BIRC6: variants seen among roughly 807,000 people sequenced by gnomAD.
BIRC6 encodes the protein baculoviral IAP repeat containing 6.
In BIRC6, 98 loss-of-function variants were observed where a neutral mutation model predicts 503.3. The ratio of observed to expected loss-of-function variants is 0.19; its 90% CI spans 0.17 to 0.23. The LOEUF (loss-of-function observed/expected upper bound fraction) is 0.23, where lower values mean the gene tolerates loss of function less well. Among genes scored for constraint, BIRC6 ranks in the 10% least tolerant of loss-of-function variants. The pLI is 1.00. For missense variants in BIRC6, 5,360 were observed against 5,806.0 expected (o/e 0.92, Z 2.50); for synonymous variants, 2,240 against 2,078.7 (o/e 1.08, Z -2.11).
intron 49 of BIRC6, 51 bp from the exon 50 acceptor site, chr2:32,504,953 TA>T: frequency 6.9e-7 from 1 of 1,455,096 alleles, no homozygotes; most frequent in South Asian, 1.2e-5. Context: ...TTTAAAGCTT[TA>T]TTATGTTTCT....
intron 57 of BIRC6, chr2:32,519,282 T>C (rs1259643778): frequency 1.4e-5 from 3 of 214,518 alleles, no homozygotes; most frequent in Non-Finnish European, 2.9e-5. Context: ...AGCAAGATTC[T>C]AATTAATACA....
At chr2:32,420,381 A>AT (rs1330032294) in intron 10 of BIRC6, among the ~76,000 whole-genome samples, 1 of 152,120 alleles carries the variant, frequency 6.6e-6, no homozygotes, top group Non-Finnish European at 1.5e-5. Context: ...TACACATTCA[A>AT]TTATGTTTAT....
chr2:32,415,700 A>C lies in BIRC6; in HGVS notation c.2409A>C (p.Ser803=), dbSNP rs1185166831. 6.2e-7 allele frequency: 1 copy of C among 1,613,816 alleles called. No homozygotes were observed. The highest frequency in any genetic ancestry group is 2.2e-5 in the East Asian group (1 of 44,894). ...GANISVIQHE[S]PADVQTPLII... is the part of the protein sequence containing the mutation. ...ATATTAGTGTAATCCAACATGAATCACCAGCAGATGTACAGACTCCTTTAA... is the reference window on the plus strand; with the variant it reads ...ATATTAGTGTAATCCAACATGAATCCCCAGCAGATGTACAGACTCCTTTAA... Residue 803 remains serine (S), a synonymous_variant, in exon 10 of 74, where the codon TCA becomes TCC. Coordinates refer to ENST00000421745, the MANE Select transcript of BIRC6 (RefSeq NM_016252.4).
intron 54 of BIRC6, 45 bp from the exon 55 acceptor site, chr2:32,514,945 T>G (rs1261758951): frequency 6.9e-7 from 1 of 1,443,324 alleles, no homozygotes; most frequent in African/African-American, 1.4e-5. Context: ...TAGTTTCTTC[T>G]AAAAATATAC....
chr2:32,448,670 G>T, intron 21 of BIRC6, 125 bp from the exon 22 acceptor site: 1 of 697,336 alleles, frequency 1.4e-6, no homozygotes, highest in Non-Finnish European at 2.3e-6. Context: ...GGAGAGGGGA[G>T]AGGGGAGAGG....
chr2:32,474,496 C>T (rs1426717929), intron 33 of BIRC6, among the ~76,000 whole-genome samples: 1 of 152,102 alleles, frequency 6.6e-6, no homozygotes, highest in Non-Finnish European at 1.5e-5. Context: ...GTTGGCAAAA[C>T]TTAAAAGGTG....
At chr2:32,601,697 G>T (rs1285309566) in intron 70 of BIRC6, among the ~76,000 whole-genome samples, 3 of 152,184 alleles carry the variant, frequency 2.0e-5, no homozygotes, top group Non-Finnish European at 4.4e-5. Context: ...ATATATGCCA[G>T]AAGAACACAT....
intron 61 of BIRC6, among the ~76,000 whole-genome samples, chr2:32,542,998 C>T (rs2150269128): frequency 6.6e-6 from 1 of 151,812 alleles, no homozygotes; most frequent in South Asian, 2.1e-4. Context: ...CGGTGTTTCA[C>T]CGTGTTGGCC....
At chr2:32,551,440 G>A (rs2058415753) in intron 65 of BIRC6, among the ~76,000 whole-genome samples, 1 of 151,968 alleles carries the variant, frequency 6.6e-6, no homozygotes, top group Admixed American at 6.6e-5. Context: ...ACAGCAGCAT[G>A]CCCGGCTAAT....
At position 32,598,979 on chromosome 2, in the gene BIRC6, G is replaced by A. The variant is rs191023517; in HGVS notation, c.13831-760G>A. 7.8e-3 allele frequency among the ~76,000 whole-genome samples: 957 copies of A among 123,332 alleles called. 9 individuals are homozygous for A. Among genetic ancestry groups the A allele is most frequent in the Admixed American group, 0.021 (197 of 9,418 alleles). 80.9% of individuals were successfully genotyped at this position (123,332 alleles called of 152,430 possible). ...GGAGGTTGCAGTGAGCTGAGATCTC[G>A]CCACTGCACTGCAGCCTGGGCGGTG... On this transcript the variant is annotated intron_variant, in intron 69 of 73. Transcript: ENST00000421745.
At position 32,388,747 on chromosome 2, in the gene BIRC6, C is replaced by T; in HGVS notation, c.646-3C>T. 1 of 1,582,122 alleles carries T rather than the reference C, an allele frequency of 6.3e-7. No homozygotes were observed. ...CTTTGCTTATACTCCCATTTTCTTT[C>T]AGTGGGCCACAGTTACATTTCATCT... On this transcript the variant is annotated splice_region_variant and splice_polypyrimidine_tract_variant and intron_variant, in intron 3 of 73. Coordinates refer to ENST00000421745, the MANE Select transcript of BIRC6 (RefSeq NM_016252.4).
At chr2:32,561,062 G>T (rs190498585) in intron 65 of BIRC6, among the ~76,000 whole-genome samples, 224 of 151,810 alleles carry the variant, frequency 1.5e-3, no homozygotes, top group African/African-American at 5.1e-3. Context: ...GCCGGGCGTG[G>T]TGGCACGTGC....
intron 1 of BIRC6, among the ~76,000 whole-genome samples, chr2:32,364,724 C>G (rs1573645245): frequency 1.3e-5 from 2 of 148,518 alleles, no homozygotes; most frequent in South Asian, 4.2e-4. Flanking sequence ...GATCTTTGTA[C>G]TTTACTGTAG....
intron 40 of BIRC6, 151 bp from the exon 41 acceptor site, chr2:32,487,496 G>A (rs943618819): frequency 6.7e-5 from 40 of 594,654 alleles, no homozygotes; most frequent in Non-Finnish European, 9.3e-5. Flanking sequence ...ATAAAAACAC[G>A]TTTTTCAAAT....
chr2:32,462,617 T>C (rs919112882), intron 23 of BIRC6, among the ~76,000 whole-genome samples: 16 of 152,188 alleles, frequency 1.1e-4, no homozygotes, highest in Non-Finnish European at 1.9e-4. Context: ...ATAAGATTAC[T>C]TTCATTTTTA....
At chr2:32,600,559 G>C (rs1483278478) in intron 70 of BIRC6, among the ~76,000 whole-genome samples, 3 of 152,180 alleles carry the variant, frequency 2.0e-5, no homozygotes, top group Non-Finnish European at 4.4e-5. Flanking sequence ...GAAGAACAAA[G>C]AACAGGTTTT....
intron 65 of BIRC6, chr2:32,566,059 A>G (rs2059512830): frequency 6.6e-6 from 1 of 152,016 alleles, no homozygotes; most frequent in Admixed American, 6.6e-5. Flanking sequence ...TTTTATGTTT[A>G]CCCAAATAAT....
intron 53 of BIRC6, among the ~76,000 whole-genome samples, chr2:32,512,688 G>A (rs1426866328): frequency 6.6e-6 from 1 of 152,068 alleles, no homozygotes; most frequent in African/African-American, 2.4e-5. Context: ...CACTGTTCTA[G>A]TATGTTATCT....
At chr2:32,441,997 G>T in intron 17 of BIRC6, 68 bp from the exon 18 acceptor site, 1 of 1,196,088 alleles carries the variant, frequency 8.4e-7, no homozygotes, top group Non-Finnish European at 1.1e-6. Flanking sequence ...TGCCTTTCCA[G>T]CCAGGTTGTG....
Sources: gnomAD v4.1 joint callset for allele counts (sites outside exome capture counted in the v4.1 genomes callset) on GRCh38, gnomAD v4.1.1 for gene constraint, MANE v1.5 for transcripts, NCBI Gene and HGNC (gene_info 2026-07-23, HGNC 2026-07-21) for gene names.